Variants in EYS observed in about 807,000 individuals in gnomAD.
EYS encodes the protein protein eyes shut homolog.
EYS carries 250 observed loss-of-function variants against 282.1 expected under a neutral mutation model. That is an observed-to-expected ratio of 0.89 (90% CI 0.80 to 0.98). The LOEUF is 0.98. Ranked by LOEUF, EYS falls within the 50% of genes least tolerant of loss-of-function variation. The probability of loss-of-function intolerance (pLI) is 0.00; values close to 1 mark genes in which losing one functional copy is unlikely to be tolerated. For missense variants in EYS, 4,016 were observed against 3,709.0 expected (o/e 1.08, Z -2.15); for synonymous variants, 1,355 against 1,282.9 (o/e 1.06, Z -1.20).
chr6:64,367,914 G>A (rs576506603), intron 29 of EYS, among the ~76,000 whole-genome samples: 2 of 152,192 alleles, frequency 1.3e-5, no homozygotes, highest in South Asian at 4.1e-4. Context: ...TTTGAGCCTA[G>A]ACACAAGGAG....
At chr6:64,399,752 C>T (rs1328832083) in intron 28 of EYS, among the ~76,000 whole-genome samples, 3 of 151,660 alleles carry the variant, frequency 2.0e-5, no homozygotes, top group Admixed American at 1.3e-4. Context: ...ATTTTGGTAC[C>T]TGATGTATGG....
chr6:64,989,814 AC>A (rs1771002188), intron 14 of EYS, among the ~76,000 whole-genome samples: 3 of 148,474 alleles, frequency 2.0e-5, no homozygotes, highest in Non-Finnish European at 3.0e-5. Context: ...ACACACACAC[AC>A]ACACACACAC....
intron 2 of EYS, among the ~76,000 whole-genome samples, chr6:65,619,378 G>A (rs927690991): frequency 6.6e-6 from 1 of 152,102 alleles, no homozygotes; most frequent in African/African-American, 2.4e-5. Context: ...GTATAAGAAT[G>A]CTTGTGATTT....
At chr6:64,757,888 C>T (rs1057391207) in intron 22 of EYS, among the ~76,000 whole-genome samples, 2 of 151,884 alleles carry the variant, frequency 1.3e-5, no homozygotes, top group East Asian at 3.9e-4. Flanking sequence ...GGCTTCACGC[C>T]GTTCTCCTGC....
intron 32 of EYS, among the ~76,000 whole-genome samples, chr6:64,078,026 T>C (rs1771832341): frequency 6.6e-6 from 1 of 152,012 alleles, no homozygotes; most frequent in Non-Finnish European, 1.5e-5. Flanking sequence ...TATCTTCCTT[T>C]TGTTCCTTTT....
At chr6:64,855,920 C>T (rs1453634215) in intron 19 of EYS, among the ~76,000 whole-genome samples, 1 of 152,144 alleles carries the variant, frequency 6.6e-6, no homozygotes, top group African/African-American at 2.4e-5. Context: ...TTTAATGTAG[C>T]TCCAGTTCTT....
At chr6:64,774,832 C>A (rs1773631066) in intron 22 of EYS, among the ~76,000 whole-genome samples, 1 of 151,908 alleles carries the variant, frequency 6.6e-6, no homozygotes, top group African/African-American at 2.4e-5. Context: ...TTTATGACCC[C>A]TTATCTGACA....
intron 5 of EYS, among the ~76,000 whole-genome samples, chr6:65,443,459 C>T (rs948112021): frequency 7.1e-6 from 1 of 141,604 alleles, no homozygotes; most frequent in Non-Finnish European, 1.6e-5. Flanking sequence ...TGTACATATA[C>T]GCCATACACA....
At chr6:63,823,856 TTC>T (rs1399703669) in intron 36 of EYS, among the ~76,000 whole-genome samples, 3 of 152,214 alleles carry the variant, frequency 2.0e-5, no homozygotes, top group Non-Finnish European at 4.4e-5. Flanking sequence ...TGCATTATTG[TTC>T]TTTTTTTCTA....
chr6:64,100,285 A>G (rs1772781662), intron 31 of EYS, among the ~76,000 whole-genome samples: 1 of 152,126 alleles, frequency 6.6e-6, no homozygotes, highest in Non-Finnish European at 1.5e-5. Flanking sequence ...TTTCTTAGCT[A>G]TACCTAATCT....
At chr6:65,646,490 C>A (rs574729502) in intron 1 of EYS, among the ~76,000 whole-genome samples, 3 of 152,156 alleles carry the variant, frequency 2.0e-5, no homozygotes, top group Admixed American at 2.0e-4. Flanking sequence ...ATGAATAAAA[C>A]CTTCAACAAA....
At chr6:65,643,162 TA>T (rs761666929) in intron 1 of EYS, among the ~76,000 whole-genome samples, 5 of 152,148 alleles carry the variant, frequency 3.3e-5, no homozygotes, top group Non-Finnish European at 5.9e-5. Context: ...ACCAGCTGCC[TA>T]AAAATAGACT....
Position 64,868,033 on chromosome 6 carries a change from G to A in EYS, c.2992+18664C>T, listed in dbSNP as rs535810817. Among the ~76,000 whole-genome samples the A allele has an allele frequency of 9.9e-5, 15 of 151,232 alleles. No homozygotes were observed. In the East Asian group the frequency reaches 1.2e-3, roughly 12 times the overall value. ...GAAGCTCTAATACCATGGATTGTTC[G>A]AATACTCATAAAATATATAAAGAAA... On this transcript the variant is annotated intron_variant, in intron 19 of 42. Transcript: ENST00000503581.
chr6:65,147,501 A>G (rs1764508785), intron 12 of EYS, among the ~76,000 whole-genome samples: 1 of 152,020 alleles, frequency 6.6e-6, no homozygotes, highest in South Asian at 2.1e-4. Context: ...CACTATTATT[A>G]TATATTTCCC....
intron 19 of EYS, among the ~76,000 whole-genome samples, chr6:64,871,090 C>A (rs1766581106): frequency 6.6e-6 from 1 of 151,808 alleles, no homozygotes; most frequent in African/African-American, 2.4e-5. Context: ...ATCCAAGAAG[C>A]TGGCTTATTT....
chr6:64,189,199 A>G (rs1765034924), intron 31 of EYS, among the ~76,000 whole-genome samples: 1 of 152,258 alleles, frequency 6.6e-6, no homozygotes, highest in East Asian at 1.9e-4. Flanking sequence ...ATATATAAGT[A>G]AGCATAATAC....
rs1002514488 is a variant in EYS, at chr6:64,945,786, T to G, written c.2381+7A>C. On this transcript the variant is annotated splice_region_variant and intron_variant, in intron 15 of 42. Coordinates refer to ENST00000503581, the MANE Select transcript of EYS (RefSeq NM_001142800.2). ...TTCATGAAGAAAGCTAAAAATATGT[T>G]ACTCACCGATAGCTTTTGTAAAGGT... is the stretch of plus-strand genomic sequence containing the variant. 14 of 1,548,622 alleles carry G rather than the reference T, an allele frequency of 9.0e-6. No individual in the cohort carries two copies. The African/African-American group carries it at 1.9e-4, about 21-fold the overall frequency.
chr6:65,683,005 G>A (rs1289595934), intron 1 of EYS, among the ~76,000 whole-genome samples: 1 of 151,802 alleles, frequency 6.6e-6, no homozygotes, highest in Non-Finnish European at 1.5e-5. Flanking sequence ...ATGCAGAACA[G>A]TACTATGTTC....
intron 32 of EYS, among the ~76,000 whole-genome samples, chr6:64,070,610 A>G (rs1771539458): frequency 1.3e-5 from 2 of 152,084 alleles, no homozygotes; most frequent in African/African-American, 4.8e-5. Context: ...TAGTTTTCAT[A>G]GTGTCTAGTT....
Sources: allele counts gnomAD v4.1 joint callset (sites outside exome capture counted in the v4.1 genomes callset), GRCh38; gene constraint gnomAD v4.1.1; transcripts MANE v1.5; gene names NCBI Gene and HGNC (gene_info 2026-07-23, HGNC 2026-07-21).